Variants in GRM3 observed in about 807,000 individuals in gnomAD.
GRM3 encodes metabotropic glutamate receptor 3.
A neutral mutation model predicts 70.5 loss-of-function variants in GRM3; 26 were observed. The observed-to-expected ratio is 0.37, with a 90% CI of 0.27 to 0.51. The LOEUF (loss-of-function observed/expected upper bound fraction) is 0.51, where lower values mean the gene tolerates loss of function less well. GRM3 is among the 20% of genes least tolerant of loss of function. The pLI is 0.93. For missense variants in GRM3, 859 were observed against 1,123.8 expected, an observed-to-expected ratio of 0.76 and a Z score of 3.37; for synonymous variants, 443 against 434.9, an observed-to-expected ratio of 1.02 and a Z score of -0.23.
At chr7:86,799,002 G>A (rs187137845) in intron 3 of GRM3, among the ~76,000 whole-genome samples, 46 of 152,220 alleles carry the variant, frequency 3.0e-4, no homozygotes, top group Admixed American at 1.1e-3. Context: ...CTAGTCTTGG[G>A]TATGTCTTTA....
At chr7:86,661,786 AT>A (rs201306106) in intron 1 of GRM3, among the ~76,000 whole-genome samples, 2,019 of 152,038 alleles carry the variant, frequency 0.013, 40 homozygotes, top group African/African-American at 0.046. Flanking sequence ...TAAATGACTT[AT>A]CAAAAAACAT....
At chr7:86,728,274 G>A (rs947318453) in intron 1 of GRM3, among the ~76,000 whole-genome samples, 1 of 152,136 alleles carries the variant, frequency 6.6e-6, no homozygotes, top group African/African-American at 2.4e-5. Context: ...ACTGGCAGGA[G>A]CATTCTCCAT....
At chr7:86,806,108 A>G (rs886834998) in intron 3 of GRM3, among the ~76,000 whole-genome samples, 1 of 152,168 alleles carries the variant, frequency 6.6e-6, no homozygotes, top group African/African-American at 2.4e-5. Context: ...ATAGTATTCC[A>G]TGGTGTATAT....
intron 2 of GRM3, among the ~76,000 whole-genome samples, chr7:86,771,687 A>G (rs1796745778): frequency 6.6e-6 from 1 of 152,112 alleles, no homozygotes; most frequent in African/African-American, 2.4e-5. Flanking sequence ...AAATTGAAAT[A>G]TCAAGACCAT....
intron 1 of GRM3, among the ~76,000 whole-genome samples, chr7:86,756,471 A>G (rs1184691125): frequency 1.3e-5 from 2 of 152,180 alleles, no homozygotes; most frequent in Non-Finnish European, 2.9e-5. Flanking sequence ...TTCTTAAAGT[A>G]TAGTTTAACT....
chr7:86,709,778 C>T (rs1012856303), intron 1 of GRM3, among the ~76,000 whole-genome samples: 2 of 152,058 alleles, frequency 1.3e-5, no homozygotes, highest in African/African-American at 4.8e-5. Context: ...TTAGGATACA[C>T]ATCTGAGCCT....
In GRM3 at chr7:86,687,196, T is replaced by C. The variant is rs908596399; in HGVS notation, c.-141+42324T>C. Among the ~76,000 whole-genome samples, 139 of 151,842 alleles carry C rather than the reference T, an allele frequency of 9.2e-4. 1 individual carries two copies. The highest frequency in any genetic ancestry group is 5.6e-3 in the Admixed American group (86 of 15,248). On this transcript the variant is annotated intron_variant, in intron 1 of 5. Coordinates refer to ENST00000361669, the MANE Select transcript of GRM3 (RefSeq NM_000840.3). ...TGCTAGAACATAAATGATTGAAAAA[T>C]ACTGGCCAGAAATTTTTCAAAATTG...
chr7:86,654,471 T>A (rs1793684397), intron 1 of GRM3, among the ~76,000 whole-genome samples: 1 of 152,174 alleles, frequency 6.6e-6, no homozygotes. Flanking sequence ...CCTGATGATG[T>A]CACTTCTACT....
rs185205418 is a variant in GRM3 at position 86,798,829 on chromosome 7, G to T, written c.1324+11713G>T. On this transcript the variant is annotated intron_variant, in intron 3 of 5. Transcript: ENST00000361669. ...ATGTCATGGGTGGGACCCAGTGGGA[G>T]GTAATTGAATCATGGGCTGATGGTT... 2.1e-3 allele frequency among the ~76,000 whole-genome samples: 317 copies of T among 152,194 alleles called. 2 individuals are homozygous for T. Among genetic ancestry groups the T allele is most frequent in the South Asian group, 0.01 (49 of 4,816 alleles).
chr7:86,699,226 AT>A (rs1482753586), intron 1 of GRM3, among the ~76,000 whole-genome samples: 1 of 152,042 alleles, frequency 6.6e-6, no homozygotes, highest in African/African-American at 2.4e-5. Context: ...AATTCTCTCA[AT>A]TTATTTGAAT....
At chr7:86,748,204 A>C (rs991382959) in intron 1 of GRM3, among the ~76,000 whole-genome samples, 1 of 152,026 alleles carries the variant, frequency 6.6e-6, no homozygotes, top group African/African-American at 2.4e-5. Flanking sequence ...ACAGCTGACC[A>C]TCAATCCCTG....
intron 3 of GRM3, among the ~76,000 whole-genome samples, chr7:86,798,932 T>C (rs1475459433): frequency 6.6e-6 from 1 of 152,186 alleles, no homozygotes; most frequent in African/African-American, 2.4e-5. Context: ...CTGCCATGAT[T>C]GAGGCCTACC....
At chr7:86,676,389 A>G (rs1185485057) in intron 1 of GRM3, among the ~76,000 whole-genome samples, 1 of 151,662 alleles carries the variant, frequency 6.6e-6, no homozygotes, top group Non-Finnish European at 1.5e-5. Context: ...TAACAAAAAA[A>G]TTAACAAGGT....
At chr7:86,762,500 G>A (rs1029260698) in intron 1 of GRM3, among the ~76,000 whole-genome samples, 3 of 152,112 alleles carry the variant, frequency 2.0e-5, no homozygotes, top group Non-Finnish European at 4.4e-5. Context: ...AGTAAACACT[G>A]GACTAGCTCC....
chr7:86,790,722 T>C (rs1394554816), intron 3 of GRM3, among the ~76,000 whole-genome samples: 1 of 152,180 alleles, frequency 6.6e-6, no homozygotes, highest in Non-Finnish European at 1.5e-5. Context: ...GCTTTTCCAC[T>C]GCCAGTTCTC....
rs1584224557 is a variant in GRM3 at position 86,765,259 on chromosome 7, C to T, written c.114C>T (p.Asp38=). 6.2e-7 allele frequency: 1 copy of T among 1,613,796 alleles called. No homozygotes were observed. The highest frequency in any genetic ancestry group is 1.3e-5 in the African/African-American group (1 of 75,004). The part of the protein sequence containing the change: ...FLRREIKIEG[D]LVLGGLFPIN... ...GGAGAGAGATTAAAATAGAAGGTGA[C>T]CTTGTTTTAGGGGGCCTGTTTCCTA... The change falls in exon 2 of 6, where the codon GAC becomes GAT. Residue 38 remains aspartate, a synonymous_variant. Transcript: ENST00000361669.
Position 86,651,299 on chromosome 7 carries a change from G to A in GRM3, c.-141+6427G>A, listed in dbSNP as rs12671279. Among the ~76,000 whole-genome samples, 81 of 152,266 alleles carry A rather than the reference G, an allele frequency of 5.3e-4. No individual in the cohort carries two copies. The East Asian group carries it at 0.015, about 29-fold the overall frequency. ...AGAGTAATTAATGGACATAAAAAAG[G>A]AACAGATATCACAGATCGCCCCTCC... On this transcript the variant is annotated intron_variant, in intron 1 of 5. Transcript: ENST00000361669.
intron 1 of GRM3, among the ~76,000 whole-genome samples, chr7:86,678,276 A>G (rs1259571335): frequency 6.6e-6 from 1 of 152,092 alleles, no homozygotes; most frequent in Non-Finnish European, 1.5e-5. Flanking sequence ...TACAAAAGAT[A>G]GATAAAGGAG....
intron 1 of GRM3, among the ~76,000 whole-genome samples, chr7:86,681,389 T>C (rs1021903259): frequency 7.2e-5 from 11 of 152,296 alleles, no homozygotes; most frequent in Non-Finnish European, 1.3e-4. Flanking sequence ...AGATACTATA[T>C]CTCATTCACG....
Sources: gnomAD v4.1 joint callset for allele counts (sites outside exome capture counted in the v4.1 genomes callset) on GRCh38, gnomAD v4.1.1 for gene constraint, MANE v1.5 for transcripts, NCBI Gene and HGNC (gene_info 2026-07-23, HGNC 2026-07-21) for gene names.